TECPR2: variants seen among roughly 807,000 people sequenced by gnomAD.
TECPR2 encodes the protein tectonin beta-propeller repeat containing 2.
TECPR2 carries 65 observed loss-of-function variants against 138.1 expected under a neutral mutation model. The observed-to-expected ratio is 0.47, with a 90% CI of 0.39 to 0.58. TECPR2 has a LOEUF of 0.58. TECPR2 is among the 20% of genes least tolerant of loss of function. The probability of loss-of-function intolerance (pLI) is 0.00; values close to 1 mark genes in which losing one functional copy is unlikely to be tolerated. For synonymous variants in TECPR2, 746 were observed against 749.8 expected (o/e 0.99, Z 0.08); for missense variants, 1,553 against 1,824.5 (o/e 0.85, Z 2.71).
chr14:102,406,120 C>G (rs540767430), intron 2 of TECPR2, among the ~76,000 whole-genome samples: 6 of 152,050 alleles, frequency 3.9e-5, no homozygotes, highest in Admixed American at 2.6e-4. Flanking sequence ...TTCAGTTTTA[C>G]AAGATTAAAT....
intron 15 of TECPR2, among the ~76,000 whole-genome samples, chr14:102,451,493 T>G (rs570244277): frequency 2.4e-4 from 37 of 152,314 alleles, no homozygotes. Flanking sequence ...GAGTCTGGCA[T>G]AAATTAATTT....
At chr14:102,452,659 G>A (rs1455666757) in intron 16 of TECPR2, 32 bp downstream of exon 16, 3 of 1,511,648 alleles carry the variant, frequency 2.0e-6, no homozygotes, top group Non-Finnish European at 1.8e-6. Flanking sequence ...ACCTGCCGGT[G>A]CCCTGACTGC....
intron 10 of TECPR2, among the ~76,000 whole-genome samples, chr14:102,439,360 C>A (rs1361252587): frequency 6.6e-6 from 1 of 152,128 alleles, no homozygotes; most frequent in African/African-American, 2.4e-5. Context: ...CCTTAATTCT[C>A]CCTGGTCTCT....
chr14:102,364,723 A>C (rs1887296827), intron 1 of TECPR2, among the ~76,000 whole-genome samples: 1 of 152,156 alleles, frequency 6.6e-6, no homozygotes, highest in Non-Finnish European at 1.5e-5. Context: ...AGTTACACTT[A>C]AGTTTGGGGA....
At chr14:102,392,137 C>T (rs1234075513) in intron 2 of TECPR2, among the ~76,000 whole-genome samples, 3 of 151,820 alleles carry the variant, frequency 2.0e-5, no homozygotes, top group African/African-American at 4.8e-5. Flanking sequence ...TACAGGTGCT[C>T]GCCACCACAC....
intron 2 of TECPR2, among the ~76,000 whole-genome samples, chr14:102,380,239 G>A (rs151100918): frequency 0.026 from 3,954 of 151,152 alleles, 72 homozygotes; most frequent in Middle Eastern, 0.082. Context: ...GCACAGAGGC[G>A]TCCTAGTCAC....
At chr14:102,407,306 T>TA (rs766242259) in intron 2 of TECPR2, 32 bp from the exon 3 acceptor site, 1 of 1,569,122 alleles carries the variant, frequency 6.4e-7, no homozygotes, top group African/African-American at 1.4e-5. Context: ...CCTGCATAGT[T>TA]ACAGATTCAT....
Position 102,499,670 on chromosome 14 carries a change from A to G in TECPR2, c.*1413A>G. ...CCCCGCCCACTGGCATCTGCGTGTG[A>G]GGGCTAGGCCGCCCTGCCACACATC... On this transcript the variant is annotated 3_prime_UTR_variant, in exon 20 of 20. Coordinates refer to ENST00000359520, the MANE Select transcript of TECPR2 (RefSeq NM_014844.5). 5.3e-6 allele frequency: 1 copy of G among 188,948 alleles called. No individual in the cohort carries two copies. Among genetic ancestry groups the G allele is most frequent in the Non-Finnish European group, 1.1e-5 (1 of 90,058 alleles). 11.7% of individuals were successfully genotyped at this position (188,948 alleles called of 1,614,324 possible).
In TECPR2 at chr14:102,497,751, C is replaced by T. The variant is rs1336971306; in HGVS notation, c.4081+32C>T. On this transcript the variant is annotated intron_variant, in intron 19 of 19. Transcript: ENST00000359520. ...GCCCGGGGCCAGTGGGCTTAAGGCC[C>T]CTTGGGGTTCCCAGGGCTCCTGTGG... 7 of 1,563,854 alleles carry T rather than the reference C, an allele frequency of 4.5e-6. No individual in the cohort carries two copies. In the Admixed American group the frequency reaches 1.1e-4, roughly 24 times the overall value.
chr14:102,390,304 T>C (rs1433669213), intron 2 of TECPR2, among the ~76,000 whole-genome samples: 1 of 149,426 alleles, frequency 6.7e-6, no homozygotes, highest in East Asian at 1.9e-4. Flanking sequence ...ATCAAAAGCC[T>C]TTTTTTTTTC....
intron 2 of TECPR2, among the ~76,000 whole-genome samples, chr14:102,380,131 A>G (rs1444948964): frequency 1.3e-5 from 2 of 150,174 alleles, no homozygotes; most frequent in East Asian, 4.0e-4. Context: ...ATCCATGCAC[A>G]GAGGCGTCCT....
intron 17 of TECPR2, among the ~76,000 whole-genome samples, chr14:102,481,284 G>A (rs1258232477): frequency 6.6e-5 from 10 of 151,914 alleles, no homozygotes; most frequent in Admixed American, 1.3e-4. Flanking sequence ...GATTGCATGC[G>A]TGAGCCACTG....
intron 17 of TECPR2, among the ~76,000 whole-genome samples, chr14:102,494,983 G>A (rs1891243444): frequency 6.6e-6 from 1 of 152,088 alleles, no homozygotes; most frequent in Admixed American, 6.6e-5. Flanking sequence ...GAGGCCAAGG[G>A]GAATGGCTCA....
chr14:102,492,917 G>A (rs1003623019), intron 17 of TECPR2, among the ~76,000 whole-genome samples: 6 of 152,244 alleles, frequency 3.9e-5, no homozygotes, highest in Non-Finnish European at 8.8e-5. Flanking sequence ...AGAGAGCCAA[G>A]GGAGACAGGG....
chr14:102,473,621 T>C (rs1451191509), intron 17 of TECPR2, among the ~76,000 whole-genome samples: 1 of 152,246 alleles, frequency 6.6e-6, no homozygotes, highest in East Asian at 1.9e-4. Flanking sequence ...TGTCCTATTC[T>C]CTTCTCTGGG....
chr14:102,444,610 T>C (rs941119012), intron 12 of TECPR2, among the ~76,000 whole-genome samples: 3 of 152,126 alleles, frequency 2.0e-5, no homozygotes, highest in African/African-American at 7.2e-5. Context: ...AATAGTCCTT[T>C]GAAAAACTAG....
intron 17 of TECPR2, among the ~76,000 whole-genome samples, chr14:102,480,720 G>A (rs948958059): frequency 1.1e-4 from 16 of 149,986 alleles, no homozygotes; most frequent in Middle Eastern, 3.4e-3. Flanking sequence ...GTCTTGCTGT[G>A]TTGTCCAGGC....
rs112578003 is a variant in TECPR2 at position 102,408,428 on chromosome 14, C to T, written c.349-60C>T. Reference sequence around the variant, plus strand: ...TGATTGTATACCTTTTCCATGTAGCCCCAGCTCACAGCATTTATCCTTTTT... The same window carrying T: ...TGATTGTATACCTTTTCCATGTAGCTCCAGCTCACAGCATTTATCCTTTTT... On this transcript the variant is annotated intron_variant, in intron 3 of 19. Transcript: ENST00000359520. The T allele has an allele frequency of 6.4e-5, 98 of 1,538,088 alleles. No homozygotes were observed. In the African/African-American group the frequency reaches 9.7e-4, roughly 15 times the overall value.
chr14:102,431,012 A>C (rs1889455352), intron 7 of TECPR2, among the ~76,000 whole-genome samples: 1 of 145,380 alleles, frequency 6.9e-6, no homozygotes, highest in Admixed American at 7.2e-5. Context: ...CTGTATTCTT[A>C]GTATTTTTTT....
Sources: allele counts gnomAD v4.1 joint callset (sites outside exome capture counted in the v4.1 genomes callset), GRCh38; gene constraint gnomAD v4.1.1; transcripts MANE v1.5; gene names NCBI Gene and HGNC (gene_info 2026-07-23, HGNC 2026-07-21).